MED12: variants seen among roughly 807,000 people sequenced by gnomAD.
MED12 encodes the protein mediator complex subunit 12, also known as mediator of RNA polymerase II transcription subunit 12.
MED12 carries 10 observed loss-of-function variants against 177.7 expected under a neutral mutation model. The ratio of observed to expected loss-of-function variants is 0.06; its 90% CI spans 0.03 to 0.10. The LOEUF is 0.10. Ranked by LOEUF, MED12 falls within the 10% of genes least tolerant of loss-of-function variation. The pLI, the probability that MED12 is intolerant of heterozygous loss-of-function variation, is 1.00. For synonymous variants in MED12, 641 were observed against 678.4 expected (o/e 0.94, Z 0.86); for missense variants, 867 against 1,780.8 (o/e 0.49, Z 9.23).
intron 4 of MED12, among the ~76,000 whole-genome samples, chrX:71,120,452 C>T (rs985445480): frequency 2.7e-5 from 3 of 110,023 alleles, no homozygotes; most frequent in Admixed American, 2.0e-4. Flanking sequence ...TGGTGAATGT[C>T]AAGCTAGGAG....
chrX:71,138,944 T>C (rs971452018), intron 41 of MED12, among the ~76,000 whole-genome samples: 3 of 111,241 alleles, frequency 2.7e-5, no homozygotes, highest in Non-Finnish European at 3.8e-5. Flanking sequence ...TAACCATGTA[T>C]AGAGACTCTG....
intron 21 of MED12, 31 bp downstream of exon 21, chrX:71,127,498 G>T: frequency 8.5e-7 from 1 of 1,182,854 alleles, no homozygotes. Flanking sequence ...GGGGTAGCGA[G>T]TGGGACCTAC....
intron 12 of MED12, among the ~76,000 whole-genome samples, 173 bp from the exon 13 acceptor site, chrX:71,123,986 T>G (rs1161832332): frequency 8.9e-6 from 1 of 112,345 alleles, no homozygotes; most frequent in Non-Finnish European, 1.9e-5. Context: ...TTACATTCCT[T>G]TCTGAGATGA....
chrX:71,126,167 G>A lies in MED12; in HGVS notation c.2541+13G>A. 1 of 1,181,749 alleles carries A rather than the reference G, an allele frequency of 8.5e-7. No homozygotes were observed. The highest frequency in any genetic ancestry group is 1.2e-6 in the Non-Finnish European group (1 of 867,921). ...GGTCACGGCTCAGGTGTGGGCCTAAGCCCAGCCCCTTTCCCACATTCTGGC... is the reference window on the plus strand; with the variant it reads ...GGTCACGGCTCAGGTGTGGGCCTAAACCCAGCCCCTTTCCCACATTCTGGC... On this transcript the variant is annotated intron_variant, in intron 18 of 44. Coordinates refer to ENST00000374080, the MANE Select transcript of MED12 (RefSeq NM_005120.3).
intron 37 of MED12, 92 bp from the exon 38 acceptor site, chrX:71,136,787 C>T (rs1602304625): frequency 5.1e-6 from 6 of 1,187,487 alleles, no homozygotes; most frequent in Non-Finnish European, 5.7e-6. Flanking sequence ...TAACCATATA[C>T]GAATTCAGCT....
Position 71,122,891 on chromosome X carries a change from A to G in MED12, c.1485+17A>G. The G allele has an allele frequency of 1.7e-6, 2 of 1,209,124 alleles. No homozygotes were observed. Among genetic ancestry groups the G allele is most frequent in the Non-Finnish European group, 2.2e-6 (2 of 892,888 alleles). ...GGGCATGAGGTAAGCGAAAAGGGGA[A>G]TAGAAGGAGCAAAAAACATTGCAAG... On this transcript the variant is annotated intron_variant, in intron 10 of 44. Coordinates refer to ENST00000374080, the MANE Select transcript of MED12 (RefSeq NM_005120.3).
Position 71,128,554 on chromosome X carries a change from G to A in MED12, c.3355-44G>A, listed in dbSNP as rs776299607. ...GAGTGGAGGCACACCGCTTTGAGTG[G>A]GCCTCCACACTGAGTCATGGTGTCT... On this transcript the variant is annotated intron_variant, in intron 23 of 44. Coordinates refer to ENST00000374080, the MANE Select transcript of MED12 (RefSeq NM_005120.3). The A allele has an allele frequency of 8.3e-6, 10 of 1,207,346 alleles. No individual in the cohort carries two copies. The East Asian group carries it at 2.7e-4, about 32-fold the overall frequency.
intron 28 of MED12, 110 bp downstream of exon 28, chrX:71,130,324 C>G: frequency 1.2e-6 from 1 of 827,946 alleles, no homozygotes; most frequent in Non-Finnish European, 1.7e-6. Flanking sequence ...GGAAGACAAA[C>G]AAGGATATAG....
Position 71,121,437 on chromosome X carries a change from A to G in MED12, c.846A>G (p.Arg282=). 1 of 1,210,807 alleles carries G rather than the reference A, an allele frequency of 8.3e-7. No homozygotes were observed. Among genetic ancestry groups the G allele is most frequent in the Non-Finnish European group, 1.1e-6 (1 of 894,900 alleles). Reference sequence around the variant, plus strand: ...AACTGCTGCTGCCTCTGCTTCTCCGAGTAAGGCTTGGAATTTTGGTACTGG... The same window carrying G: ...AACTGCTGCTGCCTCTGCTTCTCCGGGTAAGGCTTGGAATTTTGGTACTGG... ...LLKLLLPLLL[R]YSGEFVQSAY... The change falls in exon 6 of 45, where the codon CGA becomes CGG. Residue 282 remains arginine (R), a splice_region_variant and synonymous_variant. Transcript: ENST00000374080.
In MED12 at chrX:71,124,749, G is replaced by A. The variant is rs533233551; in HGVS notation, c.1975-15G>A. 1.7e-6 allele frequency: 2 copies of A among 1,197,643 alleles called. No individual in the cohort carries two copies. The highest frequency in any genetic ancestry group is 1.8e-5 in the South Asian group (1 of 56,275). On this transcript the variant is annotated splice_polypyrimidine_tract_variant and intron_variant, in intron 13 of 44. Coordinates refer to ENST00000374080, the MANE Select transcript of MED12 (RefSeq NM_005120.3). Reference sequence around the variant, plus strand: ...CTAGGGCTAAAGCAACTTCGCTTATGTTCTATGCCCTCAGGATCCAGGGCT... The same window carrying A: ...CTAGGGCTAAAGCAACTTCGCTTATATTCTATGCCCTCAGGATCCAGGGCT...
At chrX:71,137,691 T>C (rs760423491) in intron 40 of MED12, 35 bp from the exon 41 acceptor site, 6 of 1,203,753 alleles carry the variant, frequency 5.0e-6, no homozygotes, top group Non-Finnish European at 6.7e-6. Context: ...CTGCATACTC[T>C]CGGCCCTGAT....
intron 13 of MED12, 28 bp downstream of exon 13, chrX:71,124,416 C>T (rs1385030544): frequency 5.5e-6 from 6 of 1,095,714 alleles, no homozygotes; most frequent in African/African-American, 1.8e-5. Context: ...TGCACTAGAT[C>T]GTTTCTTCTG....
intron 12 of MED12, 69 bp from the exon 13 acceptor site, chrX:71,124,090 T>C: frequency 1.2e-6 from 1 of 860,761 alleles, no homozygotes; most frequent in Non-Finnish European, 1.7e-6. Context: ...GCCTTAGGTG[T>C]GTCCCTCTCT....
Position 71,121,696 on chromosome X carries a change from G to A in MED12, c.981G>A (p.Thr327=), listed in dbSNP as rs769757456. The change falls in exon 7 of 45, where the codon ACG becomes ACA. Residue 327 remains threonine (T), a synonymous_variant. Coordinates refer to ENST00000374080, the MANE Select transcript of MED12 (RefSeq NM_005120.3). ...SHVISAQSTS[T]LPTTPAPQPP... ...TTATATCTGCTCAGTCAACAAGCAC[G>A]CTACCCACCACCCCTGCTCCTCAGC... 1.2e-5 allele frequency: 14 copies of A among 1,209,252 alleles called. No homozygotes were observed. The highest frequency in any genetic ancestry group is 2.3e-4 in the Middle Eastern group (1 of 4,374).
rs2092319892 is a variant in MED12 at position 71,132,448 on chromosome X, A to G, written c.4325A>G (p.His1442Arg). Residue 1442 changes from histidine to arginine, a missense_variant, in exon 31 of 45, where the codon CAT becomes CGT. Physicochemically the swap from His to Arg is conservative, Grantham distance 29. Coordinates refer to ENST00000374080, the MANE Select transcript of MED12 (RefSeq NM_005120.3). ...AAACTGCCCACCTCAGTCCAGGGAC[A>G]TGTGTTAAAGGCTGCTGGGGAAGAA... ...IAKLPTSVQG[H>R]VLKAAGEELE... is the part of the protein sequence containing the mutation. 8.3e-7 allele frequency: 1 copy of G among 1,211,081 alleles called. No homozygotes were observed. Among genetic ancestry groups the G allele is most frequent in the Non-Finnish European group, 1.1e-6 (1 of 895,194 alleles).
intron 12 of MED12, among the ~76,000 whole-genome samples, 167 bp downstream of exon 12, chrX:71,123,887 C>T (rs1223196112): frequency 8.9e-6 from 1 of 112,434 alleles, no homozygotes; most frequent in African/African-American, 3.2e-5. Flanking sequence ...GGTCATCTTA[C>T]AGTTAAACAG....
Position 71,123,653 on chromosome X carries a change from T to C in MED12, c.1677T>C (p.Ser559=), listed in dbSNP as rs2092295438. The change falls in exon 12 of 45, where the codon TCT becomes TCC. Residue 559 remains serine (S), a synonymous_variant. Coordinates refer to ENST00000374080, the MANE Select transcript of MED12 (RefSeq NM_005120.3). ...GTTCCATCGCCTCTGGCTCCCTTTCTGCTCCCAGTGCTCCCATTTTCCAGG... is the reference window on the plus strand; with the variant it reads ...GTTCCATCGCCTCTGGCTCCCTTTCCGCTCCCAGTGCTCCCATTTTCCAGG... ...EKGSIASGSL[S]APSAPIFQDV... 8.3e-7 allele frequency: 1 copy of C among 1,207,897 alleles called. No individual in the cohort carries two copies. Among genetic ancestry groups the C allele is most frequent in the East Asian group, 3.0e-5 (1 of 33,812 alleles).
At chrX:71,118,895 C>T (rs2092281810) in intron 1 of MED12, 42 bp downstream of exon 1, 3 of 1,119,668 alleles carry the variant, frequency 2.7e-6, no homozygotes, top group African/African-American at 1.9e-5. Flanking sequence ...CGGGGGCACG[C>T]GGTCAGCCTA....
chrX:71,131,150 C>T (rs1249733319), intron 28 of MED12, among the ~76,000 whole-genome samples: 6 of 74,965 alleles, frequency 8.0e-5, no homozygotes, highest in Admixed American at 3.7e-4. Context: ...TTTTTTGAGA[C>T]GGAGTCTCGC....
Sources: allele counts gnomAD v4.1 joint callset (sites outside exome capture counted in the v4.1 genomes callset), GRCh38; gene constraint gnomAD v4.1.1; transcripts MANE v1.5; gene names NCBI Gene and HGNC (gene_info 2026-07-23, HGNC 2026-07-21).